The following UGT8 variants were observed in gnomAD, a reference collection of about 807,000 sequenced individuals.
UGT8 encodes UDP glycosyltransferase 8.
UGT8 carries 12 observed loss-of-function variants against 40.5 expected under a neutral mutation model. The observed-to-expected ratio is 0.30, with a 90% CI of 0.19 to 0.48. The LOEUF is 0.48. Ranked by LOEUF, UGT8 falls within the 20% of genes least tolerant of loss-of-function variation. UGT8 has a pLI of 0.99. For synonymous variants in UGT8, 224 were observed against 240.4 expected, an observed-to-expected ratio of 0.93 and a Z score of 0.63; for missense variants, 513 against 648.7, an observed-to-expected ratio of 0.79 and a Z score of 2.27.
At chr4:114,670,773 C>G (rs1475140167) in intron 5 of UGT8, among the ~76,000 whole-genome samples, 1 of 152,142 alleles carries the variant, frequency 6.6e-6, no homozygotes, top group Non-Finnish European at 1.5e-5. Flanking sequence ...GATGCCCTCT[C>G]TCACCACTCC....
intron 1 of UGT8, among the ~76,000 whole-genome samples, chr4:114,613,268 A>G (rs1213164821): frequency 2.0e-5 from 3 of 152,170 alleles, no homozygotes. Context: ...TACATGTCCA[A>G]AAAACCTCAA....
intron 2 of UGT8, among the ~76,000 whole-genome samples, chr4:114,638,399 C>T (rs1002325684): frequency 6.6e-6 from 1 of 152,084 alleles, no homozygotes; most frequent in Admixed American, 6.5e-5. Flanking sequence ...TTTTTCCATC[C>T]CTGACTTTTG....
At chr4:114,635,200 A>G (rs1732815208) in intron 2 of UGT8, among the ~76,000 whole-genome samples, 1 of 152,078 alleles carries the variant, frequency 6.6e-6, no homozygotes. Context: ...ACAATACAAA[A>G]ATTAGCTGAG....
intron 2 of UGT8, among the ~76,000 whole-genome samples, chr4:114,626,027 A>C (rs918528970): frequency 6.6e-6 from 1 of 152,202 alleles, no homozygotes; most frequent in African/African-American, 2.4e-5. Context: ...GTATGTGGAC[A>C]TAGATAAGTA....
chr4:114,626,606 G>A (rs1388290724), intron 2 of UGT8, among the ~76,000 whole-genome samples: 2 of 152,184 alleles, frequency 1.3e-5, no homozygotes, highest in African/African-American at 4.8e-5. Flanking sequence ...AAAGTAGGTA[G>A]AATAGAGATA....
chr4:114,610,230 G>C (rs961184697), intron 1 of UGT8, among the ~76,000 whole-genome samples: 1 of 152,148 alleles, frequency 6.6e-6, no homozygotes, highest in Admixed American at 6.5e-5. Flanking sequence ...AACTAGCTGT[G>C]TAATGCAAAG....
intron 2 of UGT8, among the ~76,000 whole-genome samples, chr4:114,638,889 C>T (rs1165093706): frequency 6.6e-6 from 1 of 152,182 alleles, no homozygotes; most frequent in Non-Finnish European, 1.5e-5. Context: ...ATTCCAAGCT[C>T]ACTGAGGATT....
At chr4:114,620,317 G>A (rs1401416900) in intron 1 of UGT8, among the ~76,000 whole-genome samples, 3 of 152,224 alleles carry the variant, frequency 2.0e-5, no homozygotes, top group African/African-American at 7.2e-5. Context: ...AGAAGTGACA[G>A]CAGTGAGCAG....
intron 2 of UGT8, among the ~76,000 whole-genome samples, chr4:114,658,638 G>T (rs537389906): frequency 6.6e-6 from 1 of 152,170 alleles, no homozygotes; most frequent in Non-Finnish European, 1.5e-5. Context: ...TGTTTCTGAA[G>T]CTCATTTTTT....
At chr4:114,635,539 T>C (rs1259319039) in intron 2 of UGT8, among the ~76,000 whole-genome samples, 1 of 152,220 alleles carries the variant, frequency 6.6e-6, no homozygotes, top group African/African-American at 2.4e-5. Flanking sequence ...TTAAGAATTA[T>C]ACCTTTCAGC....
intron 1 of UGT8, among the ~76,000 whole-genome samples, chr4:114,605,456 C>T (rs1386942981): frequency 6.6e-6 from 1 of 152,080 alleles, no homozygotes; most frequent in Non-Finnish European, 1.5e-5. Context: ...AAGAAATTTA[C>T]ATTCGTATCT....
At chr4:114,672,074 T>C (rs554512908) in intron 5 of UGT8, among the ~76,000 whole-genome samples, 15 of 152,142 alleles carry the variant, frequency 9.9e-5, no homozygotes, top group Admixed American at 6.5e-5. Context: ...TAAAAAAGGT[T>C]AACATCACTG....
chr4:114,645,236 T>C (rs959645168), intron 2 of UGT8, among the ~76,000 whole-genome samples: 1 of 152,198 alleles, frequency 6.6e-6, no homozygotes, highest in African/African-American at 2.4e-5. Flanking sequence ...CAAGTTCTCT[T>C]TAAAACAATC....
chr4:114,621,369 G>C (rs1731780021), intron 1 of UGT8, among the ~76,000 whole-genome samples: 1 of 152,086 alleles, frequency 6.6e-6, no homozygotes, highest in South Asian at 2.1e-4. Context: ...TCAGCAAATT[G>C]ACATAGATTA....
At chr4:114,648,006 G>A (rs1376051147) in intron 2 of UGT8, among the ~76,000 whole-genome samples, 7 of 152,154 alleles carry the variant, frequency 4.6e-5, no homozygotes, top group Admixed American at 4.6e-4. Flanking sequence ...TCAGTTCGGT[G>A]CACTGTTTGC....
intron 2 of UGT8, among the ~76,000 whole-genome samples, chr4:114,659,559 C>T (rs1734394046): frequency 6.6e-6 from 1 of 152,098 alleles, no homozygotes; most frequent in Admixed American, 6.6e-5. Context: ...CAGGTTGAGC[C>T]CAGATGTCGC....
chr4:114,676,231 C>A lies in UGT8; in HGVS notation c.1569C>A (p.Ile523=), dbSNP rs199828337. The A allele has an allele frequency of 1.2e-6, 2 of 1,612,326 alleles. No homozygotes were observed. The highest frequency in any genetic ancestry group is 2.2e-5 in the East Asian group (1 of 44,846). ...STVNGHYHNG[I]LNGKYKRNGH... ...TTAATGGACATTACCACAATGGAAT[C>A]CTCAATGGCAAGTACAAAAGAAATG... Residue 523 remains isoleucine, a synonymous_variant, in exon 6 of 6, where the codon ATC becomes ATA. Coordinates refer to ENST00000310836, the MANE Select transcript of UGT8 (RefSeq NM_001128174.3).
intron 2 of UGT8, among the ~76,000 whole-genome samples, chr4:114,647,678 A>T (rs561757433): frequency 6.6e-6 from 1 of 152,216 alleles, no homozygotes; most frequent in Non-Finnish European, 1.5e-5. Flanking sequence ...TTCAAGCCTC[A>T]TAATATCCCT....
chr4:114,670,771 C>G (rs904291157), intron 5 of UGT8, among the ~76,000 whole-genome samples: 5 of 152,154 alleles, frequency 3.3e-5, no homozygotes, highest in African/African-American at 9.7e-5. Flanking sequence ...AGGATGCCCT[C>G]TCTCACCACT....
Sources: allele counts gnomAD v4.1 joint callset (sites outside exome capture counted in the v4.1 genomes callset), GRCh38; gene constraint gnomAD v4.1.1; transcripts MANE v1.5; gene names NCBI Gene and HGNC (gene_info 2026-07-23, HGNC 2026-07-21).